RAD18: variants seen among roughly 807,000 people sequenced by gnomAD.
RAD18 encodes the protein E3 ubiquitin-protein ligase RAD18.
RAD18 carries 47 observed loss-of-function variants against 60.4 expected under a neutral mutation model. That is an observed-to-expected ratio of 0.78 (90% confidence interval 0.62 to 0.99). RAD18 has a LOEUF of 0.99. Ranked by LOEUF, RAD18 falls within the 50% of genes least tolerant of loss-of-function variation. The pLI is 0.00. For synonymous variants in RAD18, 225 were observed against 195.5 expected, an observed-to-expected ratio of 1.15 and a Z score of -1.26; for missense variants, 640 against 593.3, an observed-to-expected ratio of 1.08 and a Z score of -0.82.
intron 3 of RAD18, among the ~76,000 whole-genome samples, chr3:8,947,901 CT>C (rs1940862025): frequency 6.6e-6 from 1 of 152,210 alleles, no homozygotes; most frequent in Non-Finnish European, 1.5e-5. Flanking sequence ...CACCACATAC[CT>C]ACCAGAGAGG....
intron 12 of RAD18, among the ~76,000 whole-genome samples, chr3:8,884,468 A>G (rs1052991687): frequency 2.0e-5 from 3 of 151,794 alleles, no homozygotes; most frequent in Non-Finnish European, 2.9e-5. Context: ...CACCATGTCA[A>G]ATTTTTTATC....
intron 2 of RAD18, among the ~76,000 whole-genome samples, chr3:8,952,608 T>C (rs1044398170): frequency 6.6e-6 from 1 of 152,230 alleles, no homozygotes; most frequent in Non-Finnish European, 1.5e-5. Flanking sequence ...GAAACTGACA[T>C]TTTTGGTTAA....
chr3:8,940,158 T>C (rs1415552599), intron 5 of RAD18, among the ~76,000 whole-genome samples: 2 of 152,226 alleles, frequency 1.3e-5, no homozygotes, highest in African/African-American at 4.8e-5. Flanking sequence ...TGATTCCATA[T>C]ATAATGTTAA....
Position 8,881,341 on chromosome 3 carries a change from T to A in RAD18, c.*16A>T. The A allele has an allele frequency of 6.4e-7, 1 of 1,564,064 alleles. No individual in the cohort carries two copies. Among genetic ancestry groups the A allele is most frequent in the Non-Finnish European group, 8.8e-7 (1 of 1,137,802 alleles). On this transcript the variant is annotated 3_prime_UTR_variant, in exon 13 of 13. Coordinates refer to ENST00000264926, the MANE Select transcript of RAD18 (RefSeq NM_020165.4). ...TATTCTAATCAATGCATTTGAAAAG[T>A]CAGCAAAAGCCCACATTAATTCCTA...
chr3:8,928,258 G>A (rs776656200), intron 7 of RAD18, among the ~76,000 whole-genome samples: 16 of 151,760 alleles, frequency 1.1e-4, no homozygotes, highest in Admixed American at 6.6e-4. Context: ...CCAAAAAAAA[G>A]CAGGAAATGA....
intron 7 of RAD18, among the ~76,000 whole-genome samples, chr3:8,913,940 T>C (rs973848385): frequency 7.0e-6 from 1 of 142,692 alleles, no homozygotes; most frequent in African/African-American, 2.6e-5. Flanking sequence ...CACATGCACA[T>C]GCTGTTCAAC....
intron 2 of RAD18, among the ~76,000 whole-genome samples, chr3:8,952,464 C>G (rs1055936810): frequency 3.9e-5 from 6 of 152,176 alleles, no homozygotes; most frequent in Non-Finnish European, 8.8e-5. Context: ...CTTAGTTTCC[C>G]AGGCTGTATC....
chr3:8,955,418 G>A (rs9831598), intron 2 of RAD18, among the ~76,000 whole-genome samples: 1 of 152,130 alleles, frequency 6.6e-6, no homozygotes, highest in African/African-American at 2.4e-5. Context: ...ATAAAAAAAA[G>A]CTGGGTTGCT....
intron 9 of RAD18, among the ~76,000 whole-genome samples, chr3:8,906,099 C>T (rs536856888): frequency 7.0e-4 from 107 of 152,196 alleles, no homozygotes; most frequent in African/African-American, 2.3e-3. Flanking sequence ...TAAATCCAGA[C>T]CAGCATTTTT....
At chr3:8,954,320 G>A (rs1940973525) in intron 2 of RAD18, among the ~76,000 whole-genome samples, 1 of 152,156 alleles carries the variant, frequency 6.6e-6, no homozygotes, top group Admixed American at 6.5e-5. Context: ...CACATGACAA[G>A]GATTCATTTA....
intron 7 of RAD18, among the ~76,000 whole-genome samples, chr3:8,915,834 C>T (rs192423721): frequency 2.7e-4 from 41 of 152,224 alleles, no homozygotes; most frequent in Non-Finnish European, 4.9e-4. Flanking sequence ...CCACCCGCCT[C>T]GGCCTCCCAA....
In RAD18 at chr3:8,898,928, C is replaced by T. The variant is rs1939851775; in HGVS notation, c.1288G>A (p.Val430Ile). Residue 430 changes from valine to isoleucine, a missense_variant, in exon 11 of 13, where the codon GTT (valine) becomes ATT (isoleucine). Val to Ile is a conservative substitution (Grantham distance 29). Transcript: ENST00000264926. Reference protein sequence around the residue: ...DSSSCIDIQEVLSSSESDSCN... With the variant: ...DSSSCIDIQEILSSSESDSCN... ...GAATCTGATTCTGATGAAGAAAGAA[C>T]TTCTTGAATATCAATACAGCTAGAA... 5 of 1,601,160 alleles carry T rather than the reference C, an allele frequency of 3.1e-6. No homozygotes were observed. Among genetic ancestry groups the T allele is most frequent in the Admixed American group, 1.7e-5 (1 of 58,566 alleles).
rs938175502 is a variant in RAD18, at chr3:8,880,477, T to G, written c.*880A>C. On this transcript the variant is annotated 3_prime_UTR_variant, in exon 13 of 13. Transcript: ENST00000264926. ...GCTACTGGTAGACATTTTACACAGATAGCAATTTCTGACCAATCCATTTCA... is the reference window on the plus strand; with the variant it reads ...GCTACTGGTAGACATTTTACACAGAGAGCAATTTCTGACCAATCCATTTCA... The G allele has an allele frequency of 6.6e-6, 1 of 152,310 alleles. No homozygotes were observed. Among genetic ancestry groups the G allele is most frequent in the African/African-American group, 2.4e-5 (1 of 41,576 alleles). The allele number at this position is 152,310 out of a possible 1,614,324, so 9.4% of individuals were successfully genotyped here.
At chr3:8,948,375 T>C (rs988530263) in intron 3 of RAD18, 134 bp downstream of exon 3, 2 of 705,518 alleles carry the variant, frequency 2.8e-6, no homozygotes, top group Non-Finnish European at 4.7e-6. Context: ...AGAGGTCCTT[T>C]CTGAAAATGT....
intron 11 of RAD18, among the ~76,000 whole-genome samples, chr3:8,891,305 C>T (rs671237): frequency 0.6 from 90,302 of 151,372 alleles, 29,640 homozygotes; most frequent in Middle Eastern, 0.73. Context: ...CAACACCCCC[C>T]TGTGCTCCAC....
intron 1 of RAD18, among the ~76,000 whole-genome samples, chr3:8,962,198 T>G (rs1306351272): frequency 1.3e-5 from 2 of 152,186 alleles, no homozygotes; most frequent in African/African-American, 4.8e-5. Flanking sequence ...GTTGAAGAAA[T>G]TCAGGCTCAG....
chr3:8,877,498 G>A lies in RAD18; in HGVS notation c.*3859C>T, dbSNP rs964764446. On this transcript the variant is annotated 3_prime_UTR_variant, in exon 13 of 13. Transcript: ENST00000264926. Reference sequence around the variant, plus strand: ...GTTAAGTTTCAACACATGAATTTTGGGGAAGACAGGGATAAGGAAAGAACA... The same window carrying A: ...GTTAAGTTTCAACACATGAATTTTGAGGAAGACAGGGATAAGGAAAGAACA... 6.6e-6 allele frequency: 1 copy of A among 152,136 alleles called. No homozygotes were observed. The highest frequency in any genetic ancestry group is 2.4e-5 in the African/African-American group (1 of 41,424). The allele number at this position is 152,136 out of a possible 1,614,324, so 9.4% of individuals were successfully genotyped here.
At chr3:8,890,765 C>A (rs1396396689) in intron 11 of RAD18, among the ~76,000 whole-genome samples, 1 of 152,120 alleles carries the variant, frequency 6.6e-6, no homozygotes, top group African/African-American at 2.4e-5. Flanking sequence ...TTGTTCTAAA[C>A]CCTTCTATTC....
At chr3:8,938,372 A>G (rs1368204128) in intron 6 of RAD18, among the ~76,000 whole-genome samples, 1 of 152,188 alleles carries the variant, frequency 6.6e-6, no homozygotes, top group Non-Finnish European at 1.5e-5. Flanking sequence ...CATAAAAATT[A>G]AGTGATGTAT....
Sources: gnomAD v4.1 joint callset for allele counts (sites outside exome capture counted in the v4.1 genomes callset) on GRCh38, gnomAD v4.1.1 for gene constraint, MANE v1.5 for transcripts, NCBI Gene and HGNC (gene_info 2026-07-23, HGNC 2026-07-21) for gene names.